Variants in MEF2A observed in about 807,000 individuals in gnomAD.
MEF2A encodes the protein myocyte-specific enhancer factor 2A.
MEF2A carries 28 observed loss-of-function variants against 55.8 expected under a neutral mutation model. The ratio of observed to expected loss-of-function variants is 0.50; its 90% CI spans 0.37 to 0.69. MEF2A has a LOEUF of 0.69. Ranked by LOEUF, MEF2A falls within the 30% of genes least tolerant of loss-of-function variation. The pLI, the probability that MEF2A is intolerant of heterozygous loss-of-function variation, is 0.00. For missense variants in MEF2A, 528 were observed against 626.2 expected (o/e 0.84, Z 1.67); for synonymous variants, 239 against 227.1 (o/e 1.05, Z -0.47).
intron 2 of MEF2A, among the ~76,000 whole-genome samples, chr15:99,606,895 T>A (rs1975346515): frequency 6.6e-6 from 1 of 152,178 alleles, no homozygotes; most frequent in African/African-American, 2.4e-5. Flanking sequence ...TAGCTGTTTG[T>A]AATAGCCTCA....
chr15:99,650,656 T>C (rs2046706245), intron 4 of MEF2A, among the ~76,000 whole-genome samples: 1 of 152,188 alleles, frequency 6.6e-6, no homozygotes, highest in African/African-American at 2.4e-5. Flanking sequence ...AATTTGGAAG[T>C]AACATCTGAA....
At chr15:99,616,080 A>C (rs1421347399) in intron 2 of MEF2A, among the ~76,000 whole-genome samples, 8 of 152,326 alleles carry the variant, frequency 5.3e-5, no homozygotes, top group Non-Finnish European at 8.8e-5. Flanking sequence ...ATCAAGCCAC[A>C]GTCAGACTAG....
chr15:99,709,485 G>T (rs1471923510), intron 10 of MEF2A, among the ~76,000 whole-genome samples: 1 of 152,240 alleles, frequency 6.6e-6, no homozygotes, highest in Non-Finnish European at 1.5e-5. Context: ...AGTGTGACGG[G>T]TCCTTGCCCC....
intron 1 of MEF2A, among the ~76,000 whole-genome samples, chr15:99,590,740 A>G (rs1337687295): frequency 6.6e-6 from 1 of 151,772 alleles, no homozygotes; most frequent in East Asian, 1.9e-4. Flanking sequence ...ATAATGTAAG[A>G]TCCTTACTGT....
chr15:99,615,087 G>T (rs1233350807), intron 2 of MEF2A, among the ~76,000 whole-genome samples: 1 of 152,214 alleles, frequency 6.6e-6, no homozygotes, highest in Non-Finnish European at 1.5e-5. Context: ...CAGTTAGGGG[G>T]CTGTTGCAAT....
At position 99,712,562 on chromosome 15, in the gene MEF2A, C is replaced by G; in HGVS notation, c.1309C>G (p.Pro437Ala). The G allele has an allele frequency of 6.4e-7, 1 of 1,550,924 alleles. No individual in the cohort carries two copies. Among genetic ancestry groups the G allele is most frequent in the Non-Finnish European group, 8.7e-7 (1 of 1,146,624 alleles). Residue 437 changes from proline (P) to alanine (A), a missense_variant, in exon 12 of 12, where the codon CCA becomes GCA. Pro to Ala is a conservative substitution (Grantham distance 27). Coordinates refer to ENST00000557942, the MANE Select transcript of MEF2A (RefSeq NM_001319206.4). The surrounding 1 kb of genome is among the most constrained non-coding windows in gnomAD (Gnocchi z 4.1). ...GCCGCCGCCACCACCGCAGCCCCAG[C>G]CACAACCCCCGCAGCCCCAGCCCCG... The part of the protein sequence containing the change: ...QQPPPPPQPQ[P>A]QPPQPQPRQE...
At position 99,642,035 on chromosome 15, in the gene MEF2A, A is replaced by G. The variant is rs141918931; in HGVS notation, c.55-3526A>G. ...GCTTGTTGGTTTTTTTGCCCCTAAC[A>G]AGGGCTTGTAGGTGTTATACTTCCT... On this transcript the variant is annotated intron_variant, in intron 3 of 11. Coordinates refer to ENST00000557942, the MANE Select transcript of MEF2A (RefSeq NM_001319206.4). Among the ~76,000 whole-genome samples, 6 of 152,252 alleles carry G rather than the reference A, an allele frequency of 3.9e-5. No homozygotes were observed. In the East Asian group the frequency reaches 9.6e-4, roughly 24 times the overall value.
chr15:99,710,292 G>A (rs2058489059), intron 10 of MEF2A, among the ~76,000 whole-genome samples: 1 of 152,172 alleles, frequency 6.6e-6, no homozygotes, highest in Non-Finnish European at 1.5e-5. Context: ...AGGCTGGATG[G>A]AGTGCAGTGG....
At position 99,637,972 on chromosome 15, in the gene MEF2A, G is replaced by A. The variant is rs182633483; in HGVS notation, c.54+4799G>A. ...CTTTTTTATTGTAGCCATCCTGATG[G>A]GTATAAACTGGTATCTTGTGGTTTT... On this transcript the variant is annotated intron_variant, in intron 3 of 11. Coordinates refer to ENST00000557942, the MANE Select transcript of MEF2A (RefSeq NM_001319206.4). Among the ~76,000 whole-genome samples, 154 of 152,168 alleles carry A rather than the reference G, an allele frequency of 1.0e-3. 1 individual carries two copies. The highest frequency in any genetic ancestry group is 2.0e-3 in the Non-Finnish European group (136 of 67,996).
intron 2 of MEF2A, among the ~76,000 whole-genome samples, chr15:99,620,351 C>T (rs953137682): frequency 6.6e-6 from 1 of 152,148 alleles, no homozygotes; most frequent in Non-Finnish European, 1.5e-5. Flanking sequence ...TACGCTCCTC[C>T]CTCTAGTAGT....
At chr15:99,610,053 A>G (rs1223769360) in intron 2 of MEF2A, among the ~76,000 whole-genome samples, 1 of 152,148 alleles carries the variant, frequency 6.6e-6, no homozygotes, top group East Asian at 1.9e-4. Context: ...CCAGGGTATC[A>G]TATTTAAATA....
intron 2 of MEF2A, among the ~76,000 whole-genome samples, chr15:99,622,713 T>C (rs1251700436): frequency 6.7e-6 from 1 of 148,524 alleles, no homozygotes; most frequent in African/African-American, 2.4e-5. Context: ...TTTTTTTTTT[T>C]CTTTTTTGAG....
chr15:99,701,656 T>C (rs536244682), intron 8 of MEF2A, among the ~76,000 whole-genome samples: 19 of 152,352 alleles, frequency 1.2e-4, no homozygotes, highest in African/African-American at 4.6e-4. Context: ...CTGAGTGAGA[T>C]GTGAGGGAGC....
At chr15:99,641,457 C>T (rs563850481) in intron 3 of MEF2A, among the ~76,000 whole-genome samples, 1 of 152,256 alleles carries the variant, frequency 6.6e-6, no homozygotes, top group East Asian at 1.9e-4. Context: ...GGCGCGTTGG[C>T]TCACACCTGT....
At chr15:99,655,363 G>A (rs913884828) in intron 4 of MEF2A, among the ~76,000 whole-genome samples, 2 of 152,108 alleles carry the variant, frequency 1.3e-5, no homozygotes, top group African/African-American at 2.4e-5. Context: ...TATACAAAAT[G>A]TTTATGGAAT....
rs1597358017 is a variant in MEF2A, at chr15:99,712,876, C to T, written c.*105C>T. ...AGTTAAATATATTTATATGTACATA[C>T]ATATATATATCCCTTTACATATATA... On this transcript the variant is annotated 3_prime_UTR_variant, in exon 12 of 12. Coordinates refer to ENST00000557942, the MANE Select transcript of MEF2A (RefSeq NM_001319206.4). The surrounding 1 kb of genome is among the most constrained non-coding windows in gnomAD (Gnocchi z 4.1). 11 of 1,189,834 alleles carry T rather than the reference C, an allele frequency of 9.2e-6. No homozygotes were observed. In the East Asian group the frequency reaches 2.8e-4, roughly 31 times the overall value. The allele number at this position is 1,189,834 out of a possible 1,614,324, so 73.7% of individuals were successfully genotyped here.
chr15:99,676,575 TG>T (rs1206599658), intron 7 of MEF2A, among the ~76,000 whole-genome samples: 7 of 94,310 alleles, frequency 7.4e-5, no homozygotes, highest in Admixed American at 1.2e-4. Context: ...CATACAGTTT[TG>T]TTTTTTTTTT....
intron 8 of MEF2A, among the ~76,000 whole-genome samples, chr15:99,691,720 C>G (rs909837391): frequency 2.0e-5 from 3 of 150,088 alleles, no homozygotes; most frequent in Non-Finnish European, 4.5e-5. Flanking sequence ...AGAAAAAATT[C>G]TGCATACCAC....
intron 1 of MEF2A, among the ~76,000 whole-genome samples, chr15:99,575,398 C>T (rs933439260): frequency 3.3e-5 from 5 of 151,996 alleles, no homozygotes; most frequent in African/African-American, 1.2e-4. Flanking sequence ...TGTAGGATGT[C>T]CATCAGTTTG....
Sources: allele counts gnomAD v4.1 joint callset (sites outside exome capture counted in the v4.1 genomes callset), GRCh38; gene constraint gnomAD v4.1.1; non-coding constraint Gnocchi (gnomAD v3.1); transcripts MANE v1.5; gene names NCBI Gene and HGNC (gene_info 2026-07-23, HGNC 2026-07-21).